Variants in UGT2A1 observed in about 807,000 individuals in gnomAD.
UGT2A1 encodes the protein UDP-glucuronosyltransferase 2A1.
In UGT2A1, 61 loss-of-function variants were observed where a neutral mutation model predicts 45.4. That is an observed-to-expected ratio of 1.34 (90% CI 1.09 to 1.66). The LOEUF (loss-of-function observed/expected upper bound fraction) is 1.66, where lower values mean the gene tolerates loss of function less well. UGT2A1 is among the 40% of genes most tolerant of loss of function. The pLI, the probability that UGT2A1 is intolerant of heterozygous loss-of-function variation, is 0.00. For synonymous variants in UGT2A1, 229 were observed against 196.2 expected, an observed-to-expected ratio of 1.17 and a Z score of -1.40; for missense variants, 649 against 574.3, an observed-to-expected ratio of 1.13 and a Z score of -1.33.
chr4:69,612,176 G>T (rs184728523), intron 3 of UGT2A1, among the ~76,000 whole-genome samples: 193 of 151,660 alleles, frequency 1.3e-3, no homozygotes, highest in South Asian at 4.6e-3. Flanking sequence ...ATGAAAATCA[G>T]CAAAAGTAAC....
chr4:69,620,189 A>C (rs370917499), intron 3 of UGT2A1, among the ~76,000 whole-genome samples: 3 of 152,032 alleles, frequency 2.0e-5, no homozygotes, highest in Non-Finnish European at 2.9e-5. Context: ...GAGAAAGTCA[A>C]ACTTTCCTGG....
At chr4:69,632,885 CAAAAA>C (rs199639033) in intron 3 of UGT2A1, among the ~76,000 whole-genome samples, 1 of 87,598 alleles carries the variant, frequency 1.1e-5, no homozygotes, top group African/African-American at 4.0e-5. Context: ...AAGACTCGGT[CAAAAA>C]AAAAAAAAAA....
In UGT2A1 at chr4:69,605,412, A is replaced by T. The variant is rs1426485326; in HGVS notation, c.848-6018T>A. Among the ~76,000 whole-genome samples, 2 of 137,140 alleles carry T rather than the reference A, an allele frequency of 1.5e-5. 1 individual carries two copies. Among genetic ancestry groups the T allele is most frequent in the African/African-American group, 5.9e-5 (2 of 33,804 alleles). 90.0% of individuals were successfully genotyped at this position (137,140 alleles called of 152,430 possible). A position where few individuals can be genotyped will look rare whatever the true frequency, so the allele number is the denominator to read the frequency against. ...CAACATACCAGAATCTCTGGGACAC[A>T]TTCAAAGCAGTGTGTAGAGGGAAAT... On this transcript the variant is annotated intron_variant, in intron 3 of 6. Transcript: ENST00000286604.
At chr4:69,649,047 G>A (rs189989234) in intron 1 of UGT2A1, among the ~76,000 whole-genome samples, 2 of 152,066 alleles carry the variant, frequency 1.3e-5, no homozygotes, top group East Asian at 1.9e-4. Flanking sequence ...CAAGTAAAGC[G>A]ATCTCTGTGA....
Position 69,594,571 on chromosome 4 carries a change from T to G in UGT2A1, c.1210A>C (p.Met404Leu), listed in dbSNP as rs200977970. 1.2e-6 allele frequency: 2 copies of G among 1,614,186 alleles called. No individual in the cohort carries two copies. Among genetic ancestry groups the G allele is most frequent in the East Asian group, 2.2e-5 (1 of 44,866 alleles). ...TCCACAGCTGCTCCTTTGGCCTTCA[T>G]GTGAGCAATGTTATCAGGCTGATCA... ...FADQPDNIAH[M>L]KAKGAAVEVN... Residue 404 changes from methionine to leucine, a missense_variant, in exon 6 of 7, where the codon ATG becomes CTG. By Grantham distance (15) the Met-to-Leu change is conservative (BLOSUM62 2). Coordinates refer to ENST00000286604, the MANE Select transcript of UGT2A1 (RefSeq NM_001252275.3).
At chr4:69,592,228 G>C (rs1718634607) in intron 6 of UGT2A1, among the ~76,000 whole-genome samples, 1 of 152,124 alleles carries the variant, frequency 6.6e-6, no homozygotes, top group African/African-American at 2.4e-5. Context: ...TTCAGGAAAA[G>C]TGAATGAAAT....
intron 3 of UGT2A1, among the ~76,000 whole-genome samples, chr4:69,613,977 A>C (rs961074424): frequency 6.6e-6 from 1 of 152,092 alleles, no homozygotes; most frequent in African/African-American, 2.4e-5. Flanking sequence ...TCCTAGCCAG[A>C]GCAATTAGAC....
rs759466309 is a variant in UGT2A1, at chr4:69,589,575, A to G, written c.1381T>C (p.Trp461Arg). The G allele has an allele frequency of 3.1e-6, 5 of 1,614,088 alleles. No individual in the cohort carries two copies. The highest frequency in any genetic ancestry group is 4.2e-6 in the Non-Finnish European group (5 of 1,179,942). ...TTGTGGCGCATGACAAACTCGATCC[A>G]GAAGACTGCTCGATCCAGGGGCTTT... ...PVKPLDRAVF[W>R]IEFVMRHKGA... The change falls in exon 7 of 7, where the codon TGG becomes CGG. Residue 461 changes from tryptophan (W) to arginine (R), a missense_variant. By Grantham distance (101) the Trp-to-Arg change is moderately radical. Transcript: ENST00000286604.
rs1719694572 is a variant in UGT2A1, at chr4:69,607,306, C to G, written c.848-7912G>C. On this transcript the variant is annotated intron_variant, in intron 3 of 6. Transcript: ENST00000286604. ...TGATCTTTGACAAACCTGACAAAAA[C>G]AAGAAATGGGGAAATGATTCCCTAT... 2.6e-5 allele frequency among the ~76,000 whole-genome samples: 4 copies of G among 151,326 alleles called. No individual in the cohort carries two copies. In the South Asian group the frequency reaches 8.4e-4, roughly 32 times the overall value.
rs994301586 is a variant in UGT2A1 at position 69,589,537 on chromosome 4, G to T, written c.1419C>A (p.His473Gln). 15 of 1,613,954 alleles carry T rather than the reference G, an allele frequency of 9.3e-6. No homozygotes were observed. The highest frequency in any genetic ancestry group is 1.1e-5 in the Non-Finnish European group (13 of 1,179,986). ...TGAGGTCATGGGCTGCAACCCGAAGGTGCTTGGCTCCTTTGTGGCGCATGA... is the reference window on the plus strand; with the variant it reads ...TGAGGTCATGGGCTGCAACCCGAAGTTGCTTGGCTCCTTTGTGGCGCATGA... ...EFVMRHKGAK[H>Q]LRVAAHDLTW... Residue 473 changes from histidine (H) to glutamine (Q), a missense_variant, in exon 7 of 7, where the codon CAC becomes CAA. Coordinates refer to ENST00000286604, the MANE Select transcript of UGT2A1 (RefSeq NM_001252275.3).
At chr4:69,615,389 A>G (rs1577971637) in intron 3 of UGT2A1, among the ~76,000 whole-genome samples, 1 of 151,992 alleles carries the variant, frequency 6.6e-6, no homozygotes, top group Non-Finnish European at 1.5e-5. Context: ...ACCTCAACCG[A>G]AAAAGCTTCT....
At chr4:69,623,610 C>T (rs189962383) in intron 3 of UGT2A1, among the ~76,000 whole-genome samples, 41 of 151,152 alleles carry the variant, frequency 2.7e-4, no homozygotes, top group Non-Finnish European at 5.2e-4. Context: ...ACAACAGATG[C>T]AAAGAATTGA....
At position 69,647,090 on chromosome 4, in the gene UGT2A1, C is replaced by A; in HGVS notation, c.555G>T (p.Lys185Asn). 1 of 1,612,746 alleles carries A rather than the reference C, an allele frequency of 6.2e-7. No homozygotes were observed. Among genetic ancestry groups the A allele is most frequent in the Non-Finnish European group, 8.5e-7 (1 of 1,179,250 alleles). Reference protein sequence around the residue: ...PASTVEKHCGKVPYPPSYVPA... With the variant: ...PASTVEKHCGNVPYPPSYVPA... ...GAACATAGGAAGGAGGGTATGGTAC[C>A]TTCCCACAGTGCTTTTCCACTGTTG... The change falls in exon 2 of 7, where the codon AAG becomes AAT. Residue 185 changes from lysine (K) to asparagine (N), a missense_variant. Lys to Asn is a moderately conservative substitution (Grantham distance 94, BLOSUM62 0). Coordinates refer to ENST00000286604, the MANE Select transcript of UGT2A1 (RefSeq NM_001252275.3).
chr4:69,612,192 C>G (rs190031867), intron 3 of UGT2A1, among the ~76,000 whole-genome samples: 38 of 151,542 alleles, frequency 2.5e-4, no homozygotes, highest in African/African-American at 8.7e-4. Context: ...GTAACAGAGA[C>G]TAGAAATATT....
At position 69,625,946 on chromosome 4, in the gene UGT2A1, AAG is replaced by A. The variant is rs1483991073; in HGVS notation, c.847+9743_847+9744del. The stretch of plus-strand genomic sequence containing the variant: ...AGAATTGCAACACAAACTATCATCG[AAG>A]AGTTATCTTAAAGATACTCAATAAC... On this transcript the variant is annotated intron_variant, in intron 3 of 6. Transcript: ENST00000286604. 4.6e-5 allele frequency among the ~76,000 whole-genome samples: 7 copies of A among 151,752 alleles called. No individual in the cohort carries two copies. In the East Asian group the frequency reaches 1.4e-3, roughly 29 times the overall value.
chr4:69,600,791 G>T (rs1003274045), intron 3 of UGT2A1, among the ~76,000 whole-genome samples: 2 of 145,538 alleles, frequency 1.4e-5, no homozygotes, highest in African/African-American at 2.6e-5. Context: ...GAGAGTGAGG[G>T]CAAAGGTGCT....
intron 4 of UGT2A1, chr4:69,596,153 TA>T: frequency 7.4e-7 from 1 of 1,354,252 alleles, no homozygotes; most frequent in African/African-American, 1.5e-5. Flanking sequence ...ACTCAGTGTA[TA>T]ATGAGTTTTG....
chr4:69,589,409 T>G lies in UGT2A1; in HGVS notation c.1547A>C (p.Lys516Thr). 1 of 1,613,752 alleles carries G rather than the reference T, an allele frequency of 6.2e-7. No homozygotes were observed. Among genetic ancestry groups the G allele is most frequent in the Non-Finnish European group, 8.5e-7 (1 of 1,179,812 alleles). The change falls in exon 7 of 7, where the codon AAA (lysine) becomes ACA (threonine). Residue 516 changes from lysine to threonine, a missense_variant. Physicochemically the swap from Lys to Thr is moderately conservative, Grantham distance 78 (BLOSUM62 -1). Transcript: ENST00000286604. ...VIQCCLFSCQ[K>T]FGKIGKKKKR... ...TTTCTTCTTTCCTATCTTACCAAAT[T>G]TTTGACAGGAAAACAAACAACATTG...
At chr4:69,596,888 A>G (rs935173975) in intron 4 of UGT2A1, among the ~76,000 whole-genome samples, 1 of 152,212 alleles carries the variant, frequency 6.6e-6, no homozygotes, top group African/African-American at 2.4e-5. Context: ...ATCAGTGATT[A>G]CAAGTCCAAG....
Sources: allele counts gnomAD v4.1 joint callset (sites outside exome capture counted in the v4.1 genomes callset), GRCh38; gene constraint gnomAD v4.1.1; transcripts MANE v1.5; gene names NCBI Gene and HGNC (gene_info 2026-07-23, HGNC 2026-07-21).